STX8: variants seen among roughly 807,000 people sequenced by gnomAD.
STX8 encodes the protein syntaxin 8, also known as syntaxin-8.
Under a neutral mutation model 37.5 loss-of-function variants are expected in STX8, and 23 were observed. That is an observed-to-expected ratio of 0.61 (90% confidence interval 0.44 to 0.87). The LOEUF (loss-of-function observed/expected upper bound fraction) is 0.87, where lower values mean the gene tolerates loss of function less well. Ranked by LOEUF, STX8 falls within the 40% of genes least tolerant of loss-of-function variation. The probability of loss-of-function intolerance (pLI) is 0.00; values close to 1 mark genes in which losing one functional copy is unlikely to be tolerated. For missense variants in STX8, 313 were observed against 284.7 expected (o/e 1.10, Z -0.71); for synonymous variants, 115 against 99.1 (o/e 1.16, Z -0.95).
chr17:9,341,119 A>T (rs1380059281), intron 7 of STX8, among the ~76,000 whole-genome samples: 1 of 151,836 alleles, frequency 6.6e-6, no homozygotes, highest in Non-Finnish European at 1.5e-5. Context: ...TGGAAAGTCG[A>T]AATTAAGCAA....
intron 7 of STX8, among the ~76,000 whole-genome samples, chr17:9,314,188 C>T (rs1909297537): frequency 6.6e-6 from 1 of 152,150 alleles, no homozygotes; most frequent in Non-Finnish European, 1.5e-5. Context: ...GATGAATTAA[C>T]ACTTTCATGC....
chr17:9,290,408 G>C (rs1487496728), intron 7 of STX8, among the ~76,000 whole-genome samples: 1 of 152,198 alleles, frequency 6.6e-6, no homozygotes, highest in Non-Finnish European at 1.5e-5. Flanking sequence ...GGGTGTTAGA[G>C]ACAGAAGAGA....
intron 6 of STX8, among the ~76,000 whole-genome samples, chr17:9,412,603 A>G (rs2072970835): frequency 6.6e-6 from 1 of 152,126 alleles, no homozygotes. Context: ...TTTGAAAATT[A>G]TTTTAAATAA....
Position 9,440,525 on chromosome 17 carries a change from A to ATT in STX8, c.541+51302_541+51303dup, listed in dbSNP as rs546756533. On this transcript the variant is annotated intron_variant, in intron 6 of 7. Transcript: ENST00000306357. ...CCAATACAATCATAGTGAATCAATG[A>ATT]TTTTTTTTTTTTTTTTTGAGACGGA... Among the ~76,000 whole-genome samples, 994 of 99,732 alleles carry ATT rather than the reference A, an allele frequency of 1.0e-2. 14 individuals carry two copies. The highest frequency in any genetic ancestry group is 0.012 in the Middle Eastern group (2 of 166). The allele number at this position is 99,732 out of a possible 152,430, so 65.4% of individuals were successfully genotyped here.
rs558453409 is a variant in STX8, at chr17:9,344,766, G to A, written c.643+33786C>T. Among the ~76,000 whole-genome samples the A allele has an allele frequency of 2.4e-4, 36 of 151,988 alleles. No homozygotes were observed. In the South Asian group the frequency reaches 7.3e-3, roughly 31 times the overall value. On this transcript the variant is annotated intron_variant, in intron 7 of 7. Transcript: ENST00000306357. ...GTTTCCCTACTATGGATGATTTCCT[G>A]GTGATATTTTTAAAATCAAACTAAG...
intron 3 of STX8, among the ~76,000 whole-genome samples, chr17:9,555,878 A>G (rs906277883): frequency 1.3e-5 from 2 of 150,976 alleles, no homozygotes; most frequent in Non-Finnish European, 2.9e-5. Context: ...CCTGGGCAAC[A>G]GAGCAAGACT....
chr17:9,472,430 G>A (rs926647502), intron 6 of STX8, among the ~76,000 whole-genome samples: 2 of 152,192 alleles, frequency 1.3e-5, no homozygotes, highest in African/African-American at 4.8e-5. Flanking sequence ...TAAACCTGGA[G>A]GTTGTCTTGG....
chr17:9,365,391 T>C (rs995229861), intron 7 of STX8, among the ~76,000 whole-genome samples: 1 of 152,218 alleles, frequency 6.6e-6, no homozygotes, highest in Admixed American at 6.5e-5. Context: ...TTGAAGGCAT[T>C]TGAAGAGATG....
intron 2 of STX8, among the ~76,000 whole-genome samples, chr17:9,561,923 A>G (rs1368618130): frequency 6.6e-6 from 1 of 152,126 alleles, no homozygotes; most frequent in African/African-American, 2.4e-5. Flanking sequence ...TTGTAATTAG[A>G]AAGAATCTAA....
At chr17:9,337,382 T>C (rs1408101251) in intron 7 of STX8, among the ~76,000 whole-genome samples, 1 of 152,106 alleles carries the variant, frequency 6.6e-6, no homozygotes, top group East Asian at 1.9e-4. Context: ...CATCTCTTAT[T>C]TTATTTCTTT....
At chr17:9,303,827 C>G (rs1441832765) in intron 7 of STX8, among the ~76,000 whole-genome samples, 1 of 151,888 alleles carries the variant, frequency 6.6e-6, no homozygotes. Flanking sequence ...GCAAACAAAA[C>G]CATTAAAGGT....
chr17:9,262,663 C>G (rs988825850), intron 7 of STX8, among the ~76,000 whole-genome samples: 1 of 151,916 alleles, frequency 6.6e-6, no homozygotes, highest in Non-Finnish European at 1.5e-5. Flanking sequence ...CTCACTGCAG[C>G]CTCCGCCTCC....
intron 6 of STX8, among the ~76,000 whole-genome samples, chr17:9,437,446 C>T (rs139766436): frequency 2.6e-5 from 4 of 152,290 alleles, no homozygotes; most frequent in South Asian, 2.1e-4. Flanking sequence ...GAAATGGACA[C>T]AAGCGAAGAG....
At chr17:9,558,564 G>A (rs113386115) in intron 2 of STX8, among the ~76,000 whole-genome samples, 1 of 152,196 alleles carries the variant, frequency 6.6e-6, no homozygotes, top group East Asian at 1.9e-4. Flanking sequence ...GGCCGGGCGC[G>A]GTGGCTCACG....
chr17:9,292,849 G>A (rs1172913444), intron 7 of STX8, among the ~76,000 whole-genome samples: 1 of 152,100 alleles, frequency 6.6e-6, no homozygotes, highest in African/African-American at 2.4e-5. Context: ...CATGCCCCAA[G>A]TCCTCAGATG....
chr17:9,571,641 C>T (rs1208868939), intron 1 of STX8, among the ~76,000 whole-genome samples: 2 of 144,576 alleles, frequency 1.4e-5, no homozygotes, highest in Non-Finnish European at 3.0e-5. Context: ...CGGGCATAGG[C>T]GTAGTGGCTC....
chr17:9,299,605 G>A (rs549296867), intron 7 of STX8, among the ~76,000 whole-genome samples: 128 of 151,932 alleles, frequency 8.4e-4, no homozygotes, highest in Middle Eastern at 3.4e-3. Flanking sequence ...CACCACACCC[G>A]GCTAATTTTT....
intron 7 of STX8, among the ~76,000 whole-genome samples, chr17:9,266,454 C>T (rs1304384108): frequency 6.6e-6 from 1 of 152,044 alleles, no homozygotes; most frequent in Non-Finnish European, 1.5e-5. Flanking sequence ...TATTAGCGGC[C>T]GTTTTACTTC....
intron 7 of STX8, among the ~76,000 whole-genome samples, chr17:9,324,254 GC>G (rs1315411354): frequency 1.3e-5 from 2 of 152,072 alleles, no homozygotes; most frequent in African/African-American, 4.8e-5. Context: ...CCAGGTACCA[GC>G]CCACAAACGC....
Sources: allele counts gnomAD v4.1 joint callset (sites outside exome capture counted in the v4.1 genomes callset), GRCh38; gene constraint gnomAD v4.1.1; transcripts MANE v1.5; gene names NCBI Gene and HGNC (gene_info 2026-07-23, HGNC 2026-07-21).